The following YAF2 variants were observed in gnomAD, a reference collection of about 807,000 sequenced individuals.
YAF2 encodes the protein YY1-associated factor 2.
YAF2 carries 7 observed loss-of-function variants against 20.1 expected under a neutral mutation model. The observed-to-expected ratio is 0.35, with a 90% CI of 0.20 to 0.65. The LOEUF is 0.65. YAF2 is among the 30% of genes least tolerant of loss of function. The pLI is 0.69. For synonymous variants in YAF2, 74 were observed against 76.0 expected (o/e 0.97, Z 0.14); for missense variants, 151 against 219.2 (o/e 0.69, Z 1.96).
At chr12:42,177,637 G>A (rs887017182) in intron 2 of YAF2, among the ~76,000 whole-genome samples, 2 of 152,096 alleles carry the variant, frequency 1.3e-5, no homozygotes, top group Non-Finnish European at 2.9e-5. Context: ...TGTGAATTTT[G>A]GAGAGATGCA....
intron 2 of YAF2, among the ~76,000 whole-genome samples, chr12:42,175,026 A>G (rs2066144278): frequency 1.3e-5 from 2 of 152,212 alleles, no homozygotes; most frequent in Admixed American, 6.5e-5. Flanking sequence ...CCCTTTCAAT[A>G]TATGTACTCA....
At chr12:42,234,060 A>G in intron 2 of YAF2, 5 of 627,402 alleles carry the variant, frequency 8.0e-6, no homozygotes, top group Non-Finnish European at 9.9e-6. Context: ...AATCCCAGCT[A>G]CCACAGAGGC....
chr12:42,174,306 A>G, intron 2 of YAF2, among the ~76,000 whole-genome samples: 1 of 152,086 alleles, frequency 6.6e-6, no homozygotes, highest in East Asian at 1.9e-4. Flanking sequence ...CACTTTACCA[A>G]CAGTCAACTG....
intron 2 of YAF2, among the ~76,000 whole-genome samples, chr12:42,196,028 C>T (rs1031618764): frequency 5.3e-5 from 8 of 151,652 alleles, no homozygotes; most frequent in African/African-American, 1.9e-4. Context: ...TGGAGACCAG[C>T]CTGGCCAACA....
chr12:42,230,779 A>G (rs79007195), intron 2 of YAF2, among the ~76,000 whole-genome samples: 1,601 of 152,312 alleles, frequency 0.011, 29 homozygotes, highest in African/African-American at 0.037. Context: ...ACAGATGCCA[A>G]GTTTGGGGAG....
intron 2 of YAF2, among the ~76,000 whole-genome samples, chr12:42,167,131 G>T (rs930837991): frequency 4.6e-5 from 7 of 151,604 alleles, no homozygotes; most frequent in Admixed American, 1.3e-4. Flanking sequence ...ACACACCGGG[G>T]CCTGTTGGGG....
chr12:42,193,237 C>T (rs1477826798), intron 2 of YAF2, among the ~76,000 whole-genome samples: 18 of 151,294 alleles, frequency 1.2e-4, no homozygotes, highest in Admixed American at 1.1e-3. Flanking sequence ...ATCACTTGAA[C>T]TGGGGAGGCG....
chr12:42,233,719 C>T (rs953648698), intron 2 of YAF2: 1 of 908,760 alleles, frequency 1.1e-6, no homozygotes, highest in African/African-American at 1.8e-5. Flanking sequence ...CACTGTGTTG[C>T]CCAGGTTGGT....
At chr12:42,219,706 G>A (rs151093255) in intron 2 of YAF2, among the ~76,000 whole-genome samples, 19 of 152,174 alleles carry the variant, frequency 1.2e-4, no homozygotes, top group African/African-American at 2.7e-4. Context: ...CTCACACCCC[G>A]TCCACCTCAT....
At chr12:42,175,858 T>C (rs542169451) in intron 2 of YAF2, among the ~76,000 whole-genome samples, 16 of 151,614 alleles carry the variant, frequency 1.1e-4, no homozygotes, top group African/African-American at 3.1e-4. Flanking sequence ...GTATTCAAGG[T>C]TGAAAACAAT....
At chr12:42,228,314 CT>C (rs1315310042) in intron 2 of YAF2, among the ~76,000 whole-genome samples, 4 of 61,548 alleles carry the variant, frequency 6.5e-5, no homozygotes, top group East Asian at 7.3e-4. Flanking sequence ...GTCAGCCCCC[CT>C]GCCCGGCCAG....
chr12:42,167,159 G>A (rs1295450287), intron 2 of YAF2, among the ~76,000 whole-genome samples: 2 of 152,058 alleles, frequency 1.3e-5, no homozygotes, highest in African/African-American at 4.8e-5. Flanking sequence ...GGAAAGGGGA[G>A]GGAGAGTATT....
chr12:42,163,356 G>C (rs1385488547), intron 2 of YAF2, among the ~76,000 whole-genome samples: 1 of 152,150 alleles, frequency 6.6e-6, no homozygotes, highest in Non-Finnish European at 1.5e-5. Context: ...AAGAAATTCA[G>C]ACTTGAATTT....
At chr12:42,180,774 C>A (rs1393012801) in intron 2 of YAF2, among the ~76,000 whole-genome samples, 1 of 151,980 alleles carries the variant, frequency 6.6e-6, no homozygotes, top group Admixed American at 6.6e-5. Context: ...CATGGCAGAA[C>A]CCCATCTCTA....
At chr12:42,205,061 A>AAC (rs1174888514) in intron 2 of YAF2, among the ~76,000 whole-genome samples, 3 of 151,872 alleles carry the variant, frequency 2.0e-5, no homozygotes, top group African/African-American at 4.8e-5. Context: ...TTATTAAAAA[A>AAC]AAAAAAACCA....
At chr12:42,179,341 G>A (rs879422633) in intron 2 of YAF2, among the ~76,000 whole-genome samples, 11 of 152,174 alleles carry the variant, frequency 7.2e-5, no homozygotes, top group Non-Finnish European at 8.8e-5. Flanking sequence ...TTGGTGGCGT[G>A]AGCCAGTAAT....
intron 2 of YAF2, among the ~76,000 whole-genome samples, chr12:42,167,529 T>G (rs1332050139): frequency 6.6e-6 from 1 of 152,164 alleles, no homozygotes; most frequent in Non-Finnish European, 1.5e-5. Context: ...GAAAAAGGAC[T>G]CAAAAACTAA....
intron 2 of YAF2, among the ~76,000 whole-genome samples, chr12:42,196,929 T>A (rs912890681): frequency 4.6e-5 from 7 of 152,098 alleles, no homozygotes; most frequent in Non-Finnish European, 1.0e-4. Context: ...GCAGTGAAGA[T>A]TTAAACAGGA....
chr12:42,228,102 G>A (rs1317375777), intron 2 of YAF2, among the ~76,000 whole-genome samples: 103 of 86,562 alleles, frequency 1.2e-3, no homozygotes, highest in Non-Finnish European at 1.9e-3. Context: ...ACTGGGAAGT[G>A]AGGAGCCCCT....
Sources: gnomAD v4.1 joint callset for allele counts (sites outside exome capture counted in the v4.1 genomes callset) on GRCh38, gnomAD v4.1.1 for gene constraint, MANE v1.5 for transcripts, NCBI Gene and HGNC (gene_info 2026-07-23, HGNC 2026-07-21) for gene names.